The following INSC variants were observed in gnomAD, a reference collection of about 807,000 sequenced individuals.
The protein encoded by INSC is protein inscuteable homolog.
In INSC, 67 loss-of-function variants were observed where a neutral mutation model predicts 58.6. The ratio of observed to expected loss-of-function variants is 1.14; its 90% CI spans 0.94 to 1.40. The LOEUF is 1.40. Among genes scored for constraint, INSC ranks in the 40% most tolerant of loss-of-function variants. The pLI is 0.00. For synonymous variants in INSC, 262 were observed against 276.1 expected (o/e 0.95, Z 0.51); for missense variants, 714 against 692.0 (o/e 1.03, Z -0.36).
At chr11:15,171,470 T>G (rs1032736144) in intron 2 of INSC, among the ~76,000 whole-genome samples, 15 of 152,178 alleles carry the variant, frequency 9.9e-5, no homozygotes, top group South Asian at 2.1e-4. Flanking sequence ...TCTTCCAGAA[T>G]GTACAACTCT....
At chr11:15,214,763 C>T (rs1215430759) in intron 7 of INSC, among the ~76,000 whole-genome samples, 1 of 152,200 alleles carries the variant, frequency 6.6e-6, no homozygotes, top group African/African-American at 2.4e-5. Flanking sequence ...GAGGGCTCTG[C>T]ACCCATGAAT....
At chr11:15,192,580 C>T (rs1285892313) in intron 6 of INSC, among the ~76,000 whole-genome samples, 1 of 152,148 alleles carries the variant, frequency 6.6e-6, no homozygotes, top group Non-Finnish European at 1.5e-5. Flanking sequence ...AGTGGGTACT[C>T]AAAGAGTTTG....
At chr11:15,212,609 T>C (rs76281378) in intron 7 of INSC, among the ~76,000 whole-genome samples, 3,701 of 152,370 alleles carry the variant, frequency 0.024, 169 homozygotes, top group African/African-American at 0.086. Context: ...CTAGTTATGA[T>C]TTCATGCAAA....
Position 15,131,651 on chromosome 11 carries a change from G to C in INSC, c.-46+16648G>C, listed in dbSNP as rs4756794. ...TGCATATCTTAAGACTATGCTATTA[G>C]GTATATCATCATTATTATATTTTCT... On this transcript the variant is annotated intron_variant, in intron 1 of 12. Transcript: ENST00000379556. Among the ~76,000 whole-genome samples the C allele has an allele frequency of 9.0e-4, 137 of 151,922 alleles. 6 individuals carry two copies. Among genetic ancestry groups the C allele is most frequent in the East Asian group, 8.5e-3 (44 of 5,174 alleles).
intron 6 of INSC, among the ~76,000 whole-genome samples, chr11:15,197,727 C>T (rs1353062713): frequency 6.6e-6 from 1 of 152,236 alleles, no homozygotes; most frequent in Non-Finnish European, 1.5e-5. Flanking sequence ...TCCATCCCTT[C>T]CCCTGTGCAA....
intron 2 of INSC, among the ~76,000 whole-genome samples, chr11:15,173,256 G>T (rs762451223): frequency 6.6e-6 from 1 of 152,164 alleles, no homozygotes; most frequent in Non-Finnish European, 1.5e-5. Flanking sequence ...TCAAAATGCA[G>T]CAAGATGTGT....
chr11:15,132,076 T>C (rs1205215220), intron 1 of INSC, among the ~76,000 whole-genome samples: 1 of 152,158 alleles, frequency 6.6e-6, no homozygotes, highest in African/African-American at 2.4e-5. Context: ...AATTTTCTCT[T>C]TCTCCATGTC....
intron 1 of INSC, among the ~76,000 whole-genome samples, chr11:15,121,320 T>G (rs989044879): frequency 2.6e-5 from 4 of 152,188 alleles, no homozygotes; most frequent in Non-Finnish European, 4.4e-5. Flanking sequence ...TATTTATTTT[T>G]TGAACTTTGT....
chr11:15,185,264 T>C (rs1054056772), intron 5 of INSC, among the ~76,000 whole-genome samples: 4 of 152,222 alleles, frequency 2.6e-5, no homozygotes, highest in African/African-American at 9.6e-5. Context: ...GTACACAAAC[T>C]CCTCTCATTT....
Position 15,237,399 on chromosome 11 carries a change from T to G in INSC, c.1238-1520T>G, listed in dbSNP as rs528497561. ...TTTTTCATCTGCAAAATGAGAATAATCCCTACCTCATAAGGATGTTGTGAG... is the reference window on the plus strand; with the variant it reads ...TTTTTCATCTGCAAAATGAGAATAAGCCCTACCTCATAAGGATGTTGTGAG... On this transcript the variant is annotated intron_variant, in intron 10 of 12. Coordinates refer to ENST00000379556, the MANE Select transcript of INSC (RefSeq NM_001042536.3). Among the ~76,000 whole-genome samples the G allele has an allele frequency of 3.9e-5, 6 of 152,262 alleles. No homozygotes were observed. In the South Asian group the frequency reaches 1.2e-3, roughly 32 times the overall value.
intron 2 of INSC, among the ~76,000 whole-genome samples, chr11:15,158,209 G>C (rs1848884672): frequency 6.6e-6 from 1 of 151,646 alleles, no homozygotes; most frequent in African/African-American, 2.4e-5. Context: ...TTGCACAATT[G>C]TTGTCACTTC....
intron 5 of INSC, among the ~76,000 whole-genome samples, chr11:15,188,878 C>T (rs1850066673): frequency 6.6e-6 from 1 of 152,172 alleles, no homozygotes; most frequent in South Asian, 2.1e-4. Context: ...ATTAGTATCA[C>T]ATGTGTAGCT....
chr11:15,244,470 C>T (rs1182898002), intron 12 of INSC, among the ~76,000 whole-genome samples: 1 of 152,136 alleles, frequency 6.6e-6, no homozygotes, highest in African/African-American at 2.4e-5. Context: ...ACTTTGTTGG[C>T]CTGATTTCTC....
chr11:15,254,249 A>G, the INSC span, among the ~76,000 whole-genome samples: 1 of 152,312 alleles, frequency 6.6e-6, no homozygotes, highest in East Asian at 1.9e-4. Context: ...AATTAGGAAG[A>G]AAGTAGGGAC....
intron 7 of INSC, among the ~76,000 whole-genome samples, chr11:15,209,137 C>T (rs1850923552): frequency 6.6e-6 from 1 of 152,236 alleles, no homozygotes; most frequent in African/African-American, 2.4e-5. Context: ...ATCCAAACCC[C>T]TCAGCCTGGC....
intron 9 of INSC, among the ~76,000 whole-genome samples, chr11:15,233,983 T>G (rs1230466363): frequency 6.6e-6 from 1 of 152,102 alleles, no homozygotes; most frequent in Non-Finnish European, 1.5e-5. Flanking sequence ...TTCCTCTAAC[T>G]CCTTCCACTG....
At chr11:15,250,494 C>G (rs1165279009), downstream of INSC, among the ~76,000 whole-genome samples, 2 of 152,146 alleles carry the variant, frequency 1.3e-5, no homozygotes, top group Non-Finnish European at 1.5e-5. Flanking sequence ...ATGCTGGGCC[C>G]CCTTGATAGT....
chr11:15,149,490 G>C (rs1564870314), intron 2 of INSC, among the ~76,000 whole-genome samples: 1 of 152,202 alleles, frequency 6.6e-6, no homozygotes, highest in Non-Finnish European at 1.5e-5. Context: ...ATGAAACAAA[G>C]AATCGAATGG....
the INSC span, among the ~76,000 whole-genome samples, chr11:15,255,120 C>A: frequency 6.6e-6 from 1 of 152,140 alleles, no homozygotes; most frequent in African/African-American, 2.4e-5. Context: ...TTTGATCAAA[C>A]ACTTTCTGAA....
Sources: allele counts gnomAD v4.1 joint callset (sites outside exome capture counted in the v4.1 genomes callset), GRCh38; gene constraint gnomAD v4.1.1; transcripts MANE v1.5; gene names NCBI Gene and HGNC (gene_info 2026-07-23, HGNC 2026-07-21).